FHIT: variants seen among roughly 807,000 people sequenced by gnomAD.
FHIT encodes fragile histidine triad diadenosine triphosphatase, also known as bis(5'-adenosyl)-triphosphatase.
Under a neutral mutation model 17.9 loss-of-function variants are expected in FHIT, and 19 were observed. The observed-to-expected ratio is 1.06, with a 90% CI of 0.74 to 1.56. FHIT has a LOEUF of 1.56. Ranked by LOEUF, FHIT falls within the 40% of genes most tolerant of loss-of-function variation. The pLI is 0.00. For synonymous variants in FHIT, 81 were observed against 69.7 expected (o/e 1.16, Z -0.81); for missense variants, 248 against 189.2 (o/e 1.31, Z -1.82).
At chr3:60,306,479 C>A (rs924287969) in intron 5 of FHIT, among the ~76,000 whole-genome samples, 1 of 152,114 alleles carries the variant, frequency 6.6e-6, no homozygotes, top group Non-Finnish European at 1.5e-5. Context: ...GCAAAGAAAA[C>A]GTAAAACAGA....
chr3:59,871,780 T>C (rs116751096), intron 8 of FHIT, among the ~76,000 whole-genome samples: 2,790 of 152,270 alleles, frequency 0.018, 50 homozygotes, highest in Non-Finnish European at 0.026. Context: ...CCACATCCTT[T>C]AGCACTCCAC....
At chr3:61,214,681 A>G (rs1308132381) in intron 1 of FHIT, among the ~76,000 whole-genome samples, 1 of 152,216 alleles carries the variant, frequency 6.6e-6, no homozygotes, top group African/African-American at 2.4e-5. Context: ...TCCTGATACC[A>G]AAGCCTGGCA....
chr3:61,203,998 T>C (rs554642437), intron 1 of FHIT, among the ~76,000 whole-genome samples: 140 of 152,336 alleles, frequency 9.2e-4, no homozygotes, highest in African/African-American at 3.2e-3. Context: ...ATTCTTAGAA[T>C]GGAGTATTAT....
At chr3:60,822,757 GC>G (rs1312752031) in intron 3 of FHIT, among the ~76,000 whole-genome samples, 3 of 152,180 alleles carry the variant, frequency 2.0e-5, no homozygotes, top group East Asian at 3.9e-4. Context: ...CAAAGTGAAA[GC>G]CCCATGACCC....
rs574728508 is a variant in FHIT, at chr3:60,061,551, G to A, written c.104-47399C>T. Among the ~76,000 whole-genome samples the A allele has an allele frequency of 2.6e-5, 4 of 152,272 alleles. No individual in the cohort carries two copies. The East Asian group carries it at 7.7e-4, about 29-fold the overall frequency. On this transcript the variant is annotated intron_variant, in intron 5 of 9. Coordinates refer to ENST00000492590, the MANE Select transcript of FHIT (RefSeq NM_002012.4). Reference sequence around the variant, plus strand: ...TGCATTTCGATTCCCTGTTTTGTCAGTGAGTAATTATAGCAAATAAAATAT... The same window carrying A: ...TGCATTTCGATTCCCTGTTTTGTCAATGAGTAATTATAGCAAATAAAATAT...
chr3:60,108,693 C>T lies in FHIT; in HGVS notation c.104-94541G>A, dbSNP rs115195425. ...TTTTTTTTTTTTTGAGACAGAGTCT[C>T]GCTTTTGTCGTCCAGGCAGGAGTCC... On this transcript the variant is annotated intron_variant, in intron 5 of 9. Coordinates refer to ENST00000492590, the MANE Select transcript of FHIT (RefSeq NM_002012.4). 5.8e-3 allele frequency among the ~76,000 whole-genome samples: 878 copies of T among 150,144 alleles called. 4 individuals carry two copies. The highest frequency in any genetic ancestry group is 0.02 in the African/African-American group (808 of 40,648).
At chr3:60,021,175 T>C (rs564816048) in intron 5 of FHIT, among the ~76,000 whole-genome samples, 17 of 152,306 alleles carry the variant, frequency 1.1e-4, no homozygotes, top group Middle Eastern at 3.4e-3. Flanking sequence ...ATCTCACAAA[T>C]ATCCACTATC....
intron 5 of FHIT, among the ~76,000 whole-genome samples, chr3:60,385,464 GAATAA>G (rs982407007): frequency 3.3e-5 from 5 of 152,102 alleles, no homozygotes; most frequent in African/African-American, 1.2e-4. Context: ...TAAAGGTGCT[GAATAA>G]AATAATTAAG....
chr3:60,225,138 T>TA (rs1704135710), intron 5 of FHIT, among the ~76,000 whole-genome samples: 1 of 152,190 alleles, frequency 6.6e-6, no homozygotes, highest in African/African-American at 2.4e-5. Context: ...TCGTCTCTCT[T>TA]ACAGAAATTA....
intron 8 of FHIT, among the ~76,000 whole-genome samples, chr3:59,780,684 C>T (rs1702544294): frequency 6.6e-6 from 1 of 152,164 alleles, no homozygotes; most frequent in African/African-American, 2.4e-5. Context: ...CATGAAGGAC[C>T]AGAGCTCTTT....
At chr3:59,963,213 G>A (rs1483037256) in intron 7 of FHIT, among the ~76,000 whole-genome samples, 1 of 151,248 alleles carries the variant, frequency 6.6e-6, no homozygotes, top group East Asian at 1.9e-4. Context: ...TTCGCAATGA[G>A]CCGAGATCAC....
chr3:61,147,896 T>C (rs967015638), intron 2 of FHIT, among the ~76,000 whole-genome samples: 1 of 152,022 alleles, frequency 6.6e-6, no homozygotes, highest in Non-Finnish European at 1.5e-5. Flanking sequence ...ATTTGGCCAG[T>C]ATATTCATGA....
At chr3:60,151,307 T>A (rs1700453421) in intron 5 of FHIT, among the ~76,000 whole-genome samples, 1 of 152,172 alleles carries the variant, frequency 6.6e-6, no homozygotes, top group African/African-American at 2.4e-5. Flanking sequence ...GAATATAATA[T>A]GGTCCAATAT....
At chr3:60,641,190 A>C (rs2039716528) in intron 4 of FHIT, among the ~76,000 whole-genome samples, 1 of 152,148 alleles carries the variant, frequency 6.6e-6, no homozygotes, top group Non-Finnish European at 1.5e-5. Flanking sequence ...CAAAAAAAAG[A>C]AAAGAAAAGG....
chr3:60,604,130 C>T (rs189511193), intron 4 of FHIT, among the ~76,000 whole-genome samples: 86 of 152,022 alleles, frequency 5.7e-4, no homozygotes, highest in Admixed American at 1.2e-3. Flanking sequence ...GCTATCAAGG[C>T]CAGCTTTTAA....
chr3:61,063,882 T>G (rs2034514450), intron 2 of FHIT, among the ~76,000 whole-genome samples: 1 of 152,210 alleles, frequency 6.6e-6, no homozygotes, highest in South Asian at 2.1e-4. Context: ...TTAAAAACAC[T>G]TTGACGATGA....
chr3:60,748,175 G>T (rs1235208992), intron 4 of FHIT, among the ~76,000 whole-genome samples: 3 of 152,144 alleles, frequency 2.0e-5, no homozygotes, highest in Non-Finnish European at 4.4e-5. Context: ...TGGGAGATAG[G>T]ATGAACTGGA....
chr3:60,390,801 A>G (rs2107151571), intron 5 of FHIT, among the ~76,000 whole-genome samples: 1 of 152,334 alleles, frequency 6.6e-6, no homozygotes, highest in Non-Finnish European at 1.5e-5. Context: ...AAATATTTGT[A>G]CATAGCTGTA....
chr3:60,843,153 A>G (rs1183286032), intron 3 of FHIT, among the ~76,000 whole-genome samples: 16 of 152,086 alleles, frequency 1.1e-4, no homozygotes. Context: ...TCCCCAGGCA[A>G]TGTGAAGGTG....
Sources: allele counts gnomAD v4.1 joint callset (sites outside exome capture counted in the v4.1 genomes callset), GRCh38; gene constraint gnomAD v4.1.1; transcripts MANE v1.5; gene names NCBI Gene and HGNC (gene_info 2026-07-23, HGNC 2026-07-21).